Variants in LRRTM4 observed in about 807,000 individuals in gnomAD.
LRRTM4 encodes the protein leucine rich repeat transmembrane neuronal 4.
In LRRTM4, 25 loss-of-function variants were observed where a neutral mutation model predicts 47.6. The observed-to-expected ratio is 0.53, with a 90% CI of 0.38 to 0.73. The LOEUF (loss-of-function observed/expected upper bound fraction) is 0.73. Ranked by LOEUF, LRRTM4 falls within the 30% of genes least tolerant of loss-of-function variation. LRRTM4 has a pLI of 0.00. For synonymous variants in LRRTM4, 311 were observed against 269.5 expected (o/e 1.15, Z -1.51); for missense variants, 638 against 713.4 (o/e 0.89, Z 1.20).
intron 3 of LRRTM4, among the ~76,000 whole-genome samples, chr2:76,963,678 T>C (rs1423232876): frequency 6.6e-6 from 1 of 150,874 alleles, no homozygotes; most frequent in Non-Finnish European, 1.5e-5. Context: ...TTTCGTACTG[T>C]TTCATACTGC....
At chr2:77,081,811 A>T (rs72807233) in intron 3 of LRRTM4, among the ~76,000 whole-genome samples, 1 of 152,294 alleles carries the variant, frequency 6.6e-6, no homozygotes, top group Non-Finnish European at 1.5e-5. Flanking sequence ...TGAGTCAACT[A>T]AATATCCTTT....
At chr2:77,293,414 C>A (rs537454005) in intron 3 of LRRTM4, among the ~76,000 whole-genome samples, 1 of 152,130 alleles carries the variant, frequency 6.6e-6, no homozygotes, top group Non-Finnish European at 1.5e-5. Context: ...GGTAAATGAA[C>A]AAAGCGGACA....
intron 3 of LRRTM4, among the ~76,000 whole-genome samples, chr2:76,903,125 A>C (rs1011173441): frequency 7.9e-5 from 12 of 152,184 alleles, no homozygotes; most frequent in Non-Finnish European, 1.5e-4. Flanking sequence ...TAATTCCAGC[A>C]CTTTGGGAGG....
chr2:77,483,022 G>A (rs1292236359), intron 3 of LRRTM4, among the ~76,000 whole-genome samples: 2 of 148,574 alleles, frequency 1.3e-5, no homozygotes, highest in Non-Finnish European at 3.0e-5. Flanking sequence ...TCAGGAGGCT[G>A]AGGCAGGAGA....
intron 3 of LRRTM4, among the ~76,000 whole-genome samples, chr2:77,122,822 T>C (rs572065543): frequency 2.8e-4 from 42 of 151,788 alleles, no homozygotes; most frequent in Non-Finnish European, 5.5e-4. Flanking sequence ...AATTCCACAA[T>C]ATATAATGAG....
chr2:77,440,712 C>T (rs538292300), intron 3 of LRRTM4, among the ~76,000 whole-genome samples: 9 of 152,150 alleles, frequency 5.9e-5, no homozygotes, highest in Admixed American at 1.3e-4. Flanking sequence ...TTGATACTGA[C>T]GGTGTTTTGT....
intron 3 of LRRTM4, among the ~76,000 whole-genome samples, chr2:77,287,588 C>G (rs188254622): frequency 7.4e-4 from 112 of 152,064 alleles, no homozygotes; most frequent in African/African-American, 2.5e-3. Context: ...ACGTGCCACT[C>G]TGAGTAGTGT....
At chr2:77,371,090 A>G (rs776312093) in intron 3 of LRRTM4, among the ~76,000 whole-genome samples, 1 of 151,768 alleles carries the variant, frequency 6.6e-6, no homozygotes, top group Non-Finnish European at 1.5e-5. Context: ...AGGGAATGTT[A>G]TTCATCCATT....
intron 3 of LRRTM4, among the ~76,000 whole-genome samples, chr2:77,003,227 T>C (rs931115542): frequency 2.6e-5 from 4 of 152,006 alleles, no homozygotes; most frequent in Admixed American, 6.6e-5. Flanking sequence ...GTGTTTCTTA[T>C]AATTTAAGCT....
At chr2:77,080,405 A>G (rs910805952) in intron 3 of LRRTM4, among the ~76,000 whole-genome samples, 4 of 152,176 alleles carry the variant, frequency 2.6e-5, no homozygotes, top group African/African-American at 9.6e-5. Flanking sequence ...AGTCTCTTTT[A>G]TAAGTTAACA....
At chr2:77,409,620 A>G (rs1003890008) in intron 3 of LRRTM4, among the ~76,000 whole-genome samples, 1 of 152,124 alleles carries the variant, frequency 6.6e-6, no homozygotes, top group African/African-American at 2.4e-5. Flanking sequence ...TTTCTTTTGA[A>G]GTACAAATAA....
At chr2:77,207,380 C>G (rs987567694) in intron 3 of LRRTM4, among the ~76,000 whole-genome samples, 3 of 121,580 alleles carry the variant, frequency 2.5e-5, no homozygotes, top group African/African-American at 1.2e-4. Context: ...TATACACACA[C>G]ACATATTTAT....
At chr2:77,003,652 C>A (rs1249380425) in intron 3 of LRRTM4, among the ~76,000 whole-genome samples, 1 of 152,110 alleles carries the variant, frequency 6.6e-6, no homozygotes, top group East Asian at 1.9e-4. Flanking sequence ...TTATAAATTA[C>A]CCAGTCTCAG....
intron 3 of LRRTM4, among the ~76,000 whole-genome samples, chr2:76,842,721 GTTTT>G (rs569437708): frequency 3.4e-5 from 5 of 148,692 alleles, no homozygotes; most frequent in Middle Eastern, 6.8e-3. Flanking sequence ...CTTTATAAAA[GTTTT>G]TTTTTGTTTG....
At chr2:77,053,586 C>G (rs1296798413) in intron 3 of LRRTM4, among the ~76,000 whole-genome samples, 1 of 152,072 alleles carries the variant, frequency 6.6e-6, no homozygotes, top group Admixed American at 6.6e-5. Context: ...GCTTGCTAGT[C>G]TCCTAGTGAT....
At chr2:77,421,465 C>T (rs1010812762) in intron 3 of LRRTM4, among the ~76,000 whole-genome samples, 4 of 152,008 alleles carry the variant, frequency 2.6e-5, no homozygotes, top group East Asian at 1.9e-4. Context: ...CCCAGCACTT[C>T]GGGAGGCCGA....
At chr2:77,240,622 G>T (rs1194741808) in intron 3 of LRRTM4, among the ~76,000 whole-genome samples, 1 of 151,744 alleles carries the variant, frequency 6.6e-6, no homozygotes, top group Non-Finnish European at 1.5e-5. Flanking sequence ...AAATACAGTG[G>T]TATTTATTTG....
At chr2:77,380,068 T>C (rs188459558) in intron 3 of LRRTM4, among the ~76,000 whole-genome samples, 25 of 152,290 alleles carry the variant, frequency 1.6e-4, no homozygotes, top group Admixed American at 4.6e-4. Flanking sequence ...AAGCAAATAG[T>C]ATATAGATTT....
intron 3 of LRRTM4, among the ~76,000 whole-genome samples, chr2:77,083,148 T>C (rs1471072395): frequency 1.3e-5 from 2 of 152,196 alleles, no homozygotes; most frequent in Non-Finnish European, 2.9e-5. Flanking sequence ...AAAATTTCAA[T>C]CCCTTTAATT....
Sources: allele counts gnomAD v4.1 joint callset (sites outside exome capture counted in the v4.1 genomes callset), GRCh38; gene constraint gnomAD v4.1.1; transcripts MANE v1.5; gene names NCBI Gene and HGNC (gene_info 2026-07-23, HGNC 2026-07-21).